ZNF385D: variants seen among roughly 807,000 people sequenced by gnomAD.
The protein encoded by ZNF385D is zinc finger protein 659.
A neutral mutation model predicts 35.8 loss-of-function variants in ZNF385D; 15 were observed. The observed-to-expected ratio is 0.42, with a 90% CI of 0.28 to 0.64. The LOEUF (loss-of-function observed/expected upper bound fraction) is 0.64. Among genes scored for constraint, ZNF385D ranks in the 30% least tolerant of loss-of-function variants. ZNF385D has a pLI of 0.23. For synonymous variants in ZNF385D, 212 were observed against 186.8 expected, an observed-to-expected ratio of 1.13 and a Z score of -1.10; for missense variants, 474 against 494.6, an observed-to-expected ratio of 0.96 and a Z score of 0.39.
intron 3 of ZNF385D, among the ~76,000 whole-genome samples, chr3:21,757,980 T>G (rs989173785): frequency 4.6e-5 from 7 of 152,234 alleles, no homozygotes; most frequent in African/African-American, 1.7e-4. Context: ...CTGTTCCTAC[T>G]GAGAATATAA....
At chr3:21,704,017 A>G (rs1012270960) in intron 1 of ZNF385D, among the ~76,000 whole-genome samples, 3 of 152,170 alleles carry the variant, frequency 2.0e-5, no homozygotes, top group African/African-American at 7.2e-5. Flanking sequence ...TATGTCTTTT[A>G]CCAACCACAA....
chr3:21,714,559 C>G lies in ZNF385D; in HGVS notation c.22+36336G>C, dbSNP rs2068238549. Among the ~76,000 whole-genome samples the G allele has an allele frequency of 1.3e-5, 2 of 152,192 alleles. 1 individual carries two copies. Among genetic ancestry groups the G allele is most frequent in the South Asian group, 4.1e-4 (2 of 4,830 alleles). On this transcript the variant is annotated intron_variant, in intron 1 of 7. Transcript: ENST00000281523. ...TCTCCTCTTGATTCCTGCCCTGAAG[C>G]CTGAACACAGACACCACTCTTCTAC...
chr3:21,422,449 C>T (rs1700786926), intron 7 of ZNF385D, among the ~76,000 whole-genome samples: 1 of 152,242 alleles, frequency 6.6e-6, no homozygotes, highest in East Asian at 1.9e-4. Context: ...CAGATTATTT[C>T]ATCTCCCAAA....
intron 3 of ZNF385D, among the ~76,000 whole-genome samples, chr3:21,795,019 C>T (rs928530319): frequency 1.5e-4 from 23 of 152,060 alleles, no homozygotes; most frequent in African/African-American, 2.7e-4. Context: ...AGTCAGTGTC[C>T]GCTGTAGGTT....
At chr3:21,512,062 G>A (rs370531315) in intron 3 of ZNF385D, among the ~76,000 whole-genome samples, 10 of 144,780 alleles carry the variant, frequency 6.9e-5, no homozygotes, top group Admixed American at 5.1e-4. Context: ...CAGGAGAATC[G>A]CTTGAACCCG....
At chr3:22,267,728 G>A (rs757844988) in intron 2 of ZNF385D, among the ~76,000 whole-genome samples, 6 of 151,918 alleles carry the variant, frequency 3.9e-5, no homozygotes, top group African/African-American at 1.2e-4. Flanking sequence ...AGAATGATGC[G>A]TATACAATTA....
intron 3 of ZNF385D, among the ~76,000 whole-genome samples, chr3:22,064,665 G>A (rs746671812): frequency 1.3e-5 from 2 of 152,240 alleles, no homozygotes; most frequent in Admixed American, 6.5e-5. Context: ...AGGACCTTAC[G>A]CTAAGTGAAA....
chr3:22,005,103 C>T (rs73048167), intron 3 of ZNF385D, among the ~76,000 whole-genome samples: 22,269 of 129,562 alleles, frequency 0.17, 1,980 homozygotes, highest in Non-Finnish European at 0.21. Flanking sequence ...AGCAGATAAT[C>T]CCATTAAAAA....
intron 3 of ZNF385D, among the ~76,000 whole-genome samples, chr3:21,933,005 C>A (rs1034985629): frequency 6.6e-6 from 1 of 152,084 alleles, no homozygotes; most frequent in African/African-American, 2.4e-5. Flanking sequence ...GCCAAACTTT[C>A]CCCCAGGGGA....
chr3:22,270,846 T>C (rs1026854520), intron 2 of ZNF385D, among the ~76,000 whole-genome samples: 5 of 152,056 alleles, frequency 3.3e-5, no homozygotes, highest in African/African-American at 1.2e-4. Context: ...CTCTGTTTTC[T>C]TTCTCTAATC....
rs568538236 is a variant in ZNF385D, at chr3:21,659,616, T to C, written c.165+5270A>G. Among the ~76,000 whole-genome samples, 7 of 152,178 alleles carry C rather than the reference T, an allele frequency of 4.6e-5. No homozygotes were observed. In the South Asian group the frequency reaches 1.2e-3, roughly 27 times the overall value. On this transcript the variant is annotated intron_variant, in intron 2 of 7. Transcript: ENST00000281523. ...CATTCTTGAGATACAGTTGCACCTA[T>C]AGAAAATTCAAATTTCCCCCGTCTG...
chr3:22,207,294 T>C (rs562346668), intron 2 of ZNF385D, among the ~76,000 whole-genome samples: 2 of 151,976 alleles, frequency 1.3e-5, no homozygotes, highest in Admixed American at 1.3e-4. Context: ...CATACATCTA[T>C]AGTGAACCAT....
rs927957329 is a variant in ZNF385D, at chr3:21,987,191, G to C, written c.325+181626C>G. Among the ~76,000 whole-genome samples, 4 of 137,972 alleles carry C rather than the reference G, an allele frequency of 2.9e-5. 1 individual carries two copies. Among genetic ancestry groups the C allele is most frequent in the African/African-American group, 1.2e-4 (4 of 34,348 alleles). 90.5% of individuals were successfully genotyped at this position (137,972 alleles called of 152,430 possible). Reference sequence around the variant, plus strand: ...ACATTTAAAGTTAATACTGTTATGTGTGAATTTGATCCTGTCATTATGATG... The same window carrying C: ...ACATTTAAAGTTAATACTGTTATGTCTGAATTTGATCCTGTCATTATGATG... On this transcript the variant is annotated intron_variant, in intron 3 of 5. Coordinates refer to the ZNF385D transcript ENST00000494108.
chr3:21,553,505 A>G (rs1334458299), intron 3 of ZNF385D, among the ~76,000 whole-genome samples: 3 of 152,294 alleles, frequency 2.0e-5, no homozygotes, highest in Admixed American at 2.0e-4. Flanking sequence ...GTCTTGCCTC[A>G]GTGTAGATAG....
intron 3 of ZNF385D, among the ~76,000 whole-genome samples, chr3:22,082,222 G>A (rs775912904): frequency 6.6e-5 from 10 of 152,064 alleles, no homozygotes; most frequent in African/African-American, 1.2e-4. Flanking sequence ...TGCAGCCCAC[G>A]GAGGGTGAGC....
chr3:22,007,788 T>A (rs1623739), intron 3 of ZNF385D, among the ~76,000 whole-genome samples: 148,261 of 151,774 alleles, frequency 0.98, 72,433 homozygotes, highest in East Asian at 1. Context: ...TCAACTGCCT[T>A]TTGATATGAT....
At chr3:21,765,001 A>G (rs1189432316) in intron 3 of ZNF385D, among the ~76,000 whole-genome samples, 1 of 152,116 alleles carries the variant, frequency 6.6e-6, no homozygotes, top group Non-Finnish European at 1.5e-5. Context: ...GACTGAGATT[A>G]CCCATAGCTG....
intron 3 of ZNF385D, among the ~76,000 whole-genome samples, chr3:21,818,467 G>A (rs2073252433): frequency 6.6e-6 from 1 of 152,132 alleles, no homozygotes; most frequent in African/African-American, 2.4e-5. Context: ...GTTATTAGAT[G>A]ATATTAAGAA....
In ZNF385D at chr3:21,788,799, A is replaced by T. The variant is rs200176950; in HGVS notation, c.326-123771T>A. On this transcript the variant is annotated intron_variant, in intron 3 of 5. Coordinates refer to the ZNF385D transcript ENST00000494108. ...AGGGACAACATGAAATACGGGACAC[A>T]GGAATCTTGGGATCCAACAACTGTA... 2.6e-5 allele frequency among the ~76,000 whole-genome samples: 4 copies of T among 152,244 alleles called. No individual in the cohort carries two copies. The East Asian group carries it at 7.7e-4, about 29-fold the overall frequency.
Sources: gnomAD v4.1 joint callset for allele counts (sites outside exome capture counted in the v4.1 genomes callset) on GRCh38, gnomAD v4.1.1 for gene constraint, MANE v1.5 for transcripts, NCBI Gene and HGNC (gene_info 2026-07-23, HGNC 2026-07-21) for gene names.